Variants in IBA57 observed in about 807,000 individuals in gnomAD.
The protein encoded by IBA57 is iron-sulfur cluster assembly factor IBA57, also known as iron-sulfur cluster assembly factor IBA57, mitochondrial.
Under a neutral mutation model 20.4 loss-of-function variants are expected in IBA57, and 20 were observed. The ratio of observed to expected loss-of-function variants is 0.98; its 90% CI spans 0.69 to 1.42. IBA57 has a LOEUF of 1.42. IBA57 is among the 40% of genes most tolerant of loss of function. The pLI is 0.00. For synonymous variants in IBA57, 310 were observed against 233.9 expected (o/e 1.33, Z -2.97); for missense variants, 608 against 499.3 (o/e 1.22, Z -2.07).
At chr1:228,174,599 T>G (rs1164416249) in intron 1 of IBA57, 93 bp from the exon 2 acceptor site, 11 of 1,208,814 alleles carry the variant, frequency 9.1e-6, no homozygotes, top group Non-Finnish European at 1.2e-5. Context: ...CACGGTGTGC[T>G]CCTCTGCCCG....
In IBA57 at chr1:228,173,306, C is replaced by G. The variant is rs543070809; in HGVS notation, c.342-1386C>G. The G allele has an allele frequency of 7.0e-4, 106 of 152,248 alleles. 3 individuals are homozygous for G. The highest frequency in any genetic ancestry group is 3.3e-3 in the East Asian group (17 of 5,154). The allele number at this position is 152,248 out of a possible 1,614,324, so 9.4% of individuals were successfully genotyped here. ...TGGGGGTCTTACTACCTCCCTGTCT[C>G]AGCTCCCACCAGCCTGTGAAGCCCT... On this transcript the variant is annotated intron_variant, in intron 1 of 2. Coordinates refer to ENST00000366711, the MANE Select transcript of IBA57 (RefSeq NM_001010867.4).
At chr1:228,173,952 G>A (rs1239544088) in intron 1 of IBA57, among the ~76,000 whole-genome samples, 1 of 152,232 alleles carries the variant, frequency 6.6e-6, no homozygotes, top group Non-Finnish European at 1.5e-5. Flanking sequence ...CACGGCTGTG[G>A]GCAGGGCTTT....
chr1:228,169,250 C>G (rs1259459245), intron 1 of IBA57, among the ~76,000 whole-genome samples: 1 of 152,174 alleles, frequency 6.6e-6, no homozygotes, highest in Non-Finnish European at 1.5e-5. Flanking sequence ...CCCTGCCCAT[C>G]ATTCCTTTAT....
intron 1 of IBA57, among the ~76,000 whole-genome samples, chr1:228,169,931 A>G (rs2034900408): frequency 6.6e-6 from 1 of 151,984 alleles, no homozygotes; most frequent in Non-Finnish European, 1.5e-5. Context: ...CAATGGCGCA[A>G]TCTCGGCTCA....
intron 1 of IBA57, among the ~76,000 whole-genome samples, chr1:228,174,169 G>A (rs1419160925): frequency 3.1e-5 from 4 of 129,214 alleles, no homozygotes; most frequent in Non-Finnish European, 6.5e-5. Context: ...CGCTGTGGGC[G>A]TGGCTCGCTG....
rs1264588693 is a variant in IBA57, at chr1:228,178,096, C to A, written c.*2583C>A. On this transcript the variant is annotated 3_prime_UTR_variant, in exon 3 of 3. Coordinates refer to ENST00000366711, the MANE Select transcript of IBA57 (RefSeq NM_001010867.4). ...ATGGTGGTGCAGTCTGGGCTTCTTACCCTCACACCTCCTGCCTCCCCTCGT... is the reference window on the plus strand; with the variant it reads ...ATGGTGGTGCAGTCTGGGCTTCTTAACCTCACACCTCCTGCCTCCCCTCGT... The A allele has an allele frequency of 1.3e-5, 2 of 152,160 alleles. No homozygotes were observed. The highest frequency in any genetic ancestry group is 1.9e-4 in the East Asian group (1 of 5,194). The allele number at this position is 152,160 out of a possible 1,614,324, so 9.4% of individuals were successfully genotyped here.
chr1:228,165,865 C>T lies in IBA57; in HGVS notation c.49C>T (p.Pro17Ser), dbSNP rs971158129. Residue 17 changes from proline to serine, a missense_variant, in exon 1 of 3, where the codon CCG becomes TCG. Coordinates refer to ENST00000366711, the MANE Select transcript of IBA57 (RefSeq NM_001010867.4). ...LRGATPGRGG[P>S]VWRWRLRAAP... ...AGGCGCCACTCCGGGGCGCGGCGGC[C>T]CGGTCTGGCGCTGGCGGCTGCGCGC... 4.0e-5 allele frequency: 52 copies of T among 1,314,194 alleles called. No individual in the cohort carries two copies. Among genetic ancestry groups the T allele is most frequent in the Non-Finnish European group, 5.0e-5 (52 of 1,038,240 alleles). 81.4% of individuals were successfully genotyped at this position (1,314,194 alleles called of 1,614,324 possible). A position where few individuals can be genotyped will look rare whatever the true frequency, so the allele number is the denominator to read the frequency against.
chr1:228,166,241 C>T (rs1268509202), intron 1 of IBA57, 84 bp downstream of exon 1: 7 of 250,040 alleles, frequency 2.8e-5, no homozygotes, highest in African/African-American at 4.2e-5. Context: ...GGCGGGCGCC[C>T]GGGGCCTGCA....
rs2035118853 is a variant in IBA57 at position 228,182,003 on chromosome 1, C to T, written c.*6490C>T. 6.6e-6 allele frequency: 1 copy of T among 152,190 alleles called. No homozygotes were observed. Among genetic ancestry groups the T allele is most frequent in the Admixed American group, 6.5e-5 (1 of 15,280 alleles). 9.4% of individuals were successfully genotyped at this position (152,190 alleles called of 1,614,324 possible). ...CTCCAGTGTCCCCGTCTTTGATTTC[C>T]CTGGCGATGGTGCTAGCTTAGTTTG... On this transcript the variant is annotated 3_prime_UTR_variant, in exon 3 of 3. Transcript: ENST00000366711.
chr1:228,177,217 G>C lies in IBA57; in HGVS notation c.*1704G>C. On this transcript the variant is annotated 3_prime_UTR_variant, in exon 3 of 3. Transcript: ENST00000366711. ...TGAGGGTCTGTGCCTCGAGCTCAAA[G>C]TGTCCCGGCTCTGTCATCTGCCTGA... 6.6e-6 allele frequency: 1 copy of C among 152,396 alleles called. No homozygotes were observed. Among genetic ancestry groups the C allele is most frequent in the East Asian group, 1.9e-4 (1 of 5,194 alleles). The allele number at this position is 152,396 out of a possible 1,614,324, so 9.4% of individuals were successfully genotyped here.
At position 228,165,954 on chromosome 1, in the gene IBA57, G is replaced by A; in HGVS notation, c.138G>A (p.Ala46=). Reference sequence around the variant, plus strand: ...CTGGTGGCGACCCAACGGCCGGAGCGGCCTGGGCCTGCTTCCGGCTGGACG... The same window carrying A: ...CTGGTGGCGACCCAACGGCCGGAGCAGCCTGGGCCTGCTTCCGGCTGGACG... ...CSPGGDPTAG[A]AWACFRLDGR... Residue 46 remains alanine (A), a synonymous_variant, in exon 1 of 3, where the codon GCG becomes GCA. Coordinates refer to ENST00000366711, the MANE Select transcript of IBA57 (RefSeq NM_001010867.4). 3.3e-6 allele frequency: 5 copies of A among 1,506,060 alleles called. No individual in the cohort carries two copies. Among genetic ancestry groups the A allele is most frequent in the South Asian group, 2.5e-5 (2 of 80,624 alleles). The allele number at this position is 1,506,060 out of a possible 1,614,324, so 93.3% of individuals were successfully genotyped here.
Position 228,177,775 on chromosome 1 carries a change from A to G in IBA57, c.*2262A>G, listed in dbSNP as rs566146180. 3 of 152,328 alleles carry G rather than the reference A, an allele frequency of 2.0e-5. No individual in the cohort carries two copies. The highest frequency in any genetic ancestry group is 7.2e-5 in the African/African-American group (3 of 41,570). The allele number at this position is 152,328 out of a possible 1,614,324, so 9.4% of individuals were successfully genotyped here. ...TTTAAAAAGGAAAGTGTCAGTCAAC[A>G]AAAGAGCCCCTCTGTCATACAAACC... On this transcript the variant is annotated 3_prime_UTR_variant, in exon 3 of 3. Transcript: ENST00000366711.
chr1:228,172,264 C>T (rs2034940169), intron 1 of IBA57: 1 of 152,156 alleles, frequency 6.6e-6, no homozygotes, highest in Non-Finnish European at 1.5e-5. Flanking sequence ...CTTTGTGCGT[C>T]TGTGCACGCA....
At chr1:228,174,047 G>A (rs1265036355) in intron 1 of IBA57, among the ~76,000 whole-genome samples, 2 of 152,214 alleles carry the variant, frequency 1.3e-5, no homozygotes, top group Non-Finnish European at 2.9e-5. Flanking sequence ...GCGGCACTCT[G>A]CGCTGGTCTC....
rs898861052 is a variant in IBA57, at chr1:228,178,607, A to T, written c.*3094A>T. 1 of 152,322 alleles carries T rather than the reference A, an allele frequency of 6.6e-6. No individual in the cohort carries two copies. The highest frequency in any genetic ancestry group is 2.4e-5 in the African/African-American group (1 of 41,442). 9.4% of individuals were successfully genotyped at this position (152,322 alleles called of 1,614,324 possible). ...AAACAAAGAAAGAATAAAAAAGAAG[A>T]GAAGTTGCAGTTGGTAGTATTTCCA... On this transcript the variant is annotated 3_prime_UTR_variant, in exon 3 of 3. Transcript: ENST00000366711.
At position 228,165,807 on chromosome 1, in the gene IBA57, C is replaced by T; in HGVS notation, c.-10C>T. Reference sequence around the variant, plus strand: ...CTTGGGCCCTTCCCGCTGCCCCACTCTTGTCCAAGATGGCGACCGCGGCGC... The same window carrying T: ...CTTGGGCCCTTCCCGCTGCCCCACTTTTGTCCAAGATGGCGACCGCGGCGC... On this transcript the variant is annotated 5_prime_UTR_variant, in exon 1 of 3. Transcript: ENST00000366711. 1 of 1,294,388 alleles carries T rather than the reference C, an allele frequency of 7.7e-7. No homozygotes were observed. The highest frequency in any genetic ancestry group is 1.5e-5 in the African/African-American group (1 of 64,844). The allele number at this position is 1,294,388 out of a possible 1,614,324, so 80.2% of individuals were successfully genotyped here.
intron 1 of IBA57, chr1:228,173,195 C>A (rs758231884): frequency 1.3e-5 from 2 of 152,484 alleles, no homozygotes; most frequent in African/African-American, 4.8e-5. Context: ...GCACCTGAAG[C>A]CCTGGGCAAC....
At chr1:228,171,126 G>A (rs1193604764) in intron 1 of IBA57, 1 of 152,264 alleles carries the variant, frequency 6.6e-6, no homozygotes, top group Non-Finnish European at 1.5e-5. Context: ...TGTTGTCGAT[G>A]TGAAATTCTG....
intron 1 of IBA57, among the ~76,000 whole-genome samples, chr1:228,174,114 T>C (rs1221034007): frequency 1.3e-5 from 2 of 150,356 alleles, no homozygotes; most frequent in East Asian, 2.0e-4. Context: ...CTGGTGTGGC[T>C]GTGGGCGTGG....
Sources: gnomAD v4.1 joint callset for allele counts (sites outside exome capture counted in the v4.1 genomes callset) on GRCh38, gnomAD v4.1.1 for gene constraint, MANE v1.5 for transcripts, NCBI Gene and HGNC (gene_info 2026-07-23, HGNC 2026-07-21) for gene names.